Variants in CADM2 observed in about 807,000 individuals in gnomAD.
CADM2 encodes immunoglobulin superfamily member 4D.
Under a neutral mutation model 49.8 loss-of-function variants are expected in CADM2, and 12 were observed. The ratio of observed to expected loss-of-function variants is 0.24; its 90% confidence interval spans 0.15 to 0.39. The LOEUF is 0.39. Among genes scored for constraint, CADM2 ranks in the 10% least tolerant of loss-of-function variants. The pLI is 1.00. For missense variants in CADM2, 378 were observed against 492.3 expected, an observed-to-expected ratio of 0.77 and a Z score of 2.20; for synonymous variants, 214 against 175.4, an observed-to-expected ratio of 1.22 and a Z score of -1.74.
At chr3:85,040,836 G>A (rs751936767) in intron 1 of CADM2, among the ~76,000 whole-genome samples, 19 of 152,132 alleles carry the variant, frequency 1.2e-4, no homozygotes, top group Non-Finnish European at 2.8e-4. Context: ...ATATAAATCA[G>A]AATCTATGTC....
chr3:85,113,693 T>A lies in CADM2; in HGVS notation c.61+154025T>A, dbSNP rs568390261. Among the ~76,000 whole-genome samples the A allele has an allele frequency of 6.1e-4, 93 of 151,438 alleles. 2 individuals are homozygous for A. The highest frequency in any genetic ancestry group is 3.4e-3 in the Middle Eastern group (1 of 292). On this transcript the variant is annotated intron_variant, in intron 1 of 9. Transcript: ENST00000383699. The stretch of plus-strand genomic sequence containing the variant: ...GCTTTTTTTTATTCATTCGTTTTTT[T>A]TTTTTTGTGCTATAGGCAATCCTAC...
intron 1 of CADM2, among the ~76,000 whole-genome samples, chr3:85,000,392 CA>C (rs955623555): frequency 6.6e-5 from 10 of 151,710 alleles, no homozygotes; most frequent in Admixed American, 2.0e-4. Flanking sequence ...CCTCCCAAAG[CA>C]CTGCTTCTAT....
chr3:85,182,456 A>G (rs2040960143), intron 1 of CADM2, among the ~76,000 whole-genome samples: 1 of 152,104 alleles, frequency 6.6e-6, no homozygotes, highest in Admixed American at 6.6e-5. Flanking sequence ...AAAATCTACA[A>G]TTCTTGATCG....
chr3:85,429,412 A>G (rs2036565841), intron 1 of CADM2, among the ~76,000 whole-genome samples: 1 of 152,138 alleles, frequency 6.6e-6, no homozygotes, highest in Non-Finnish European at 1.5e-5. Flanking sequence ...TCAATAAAGT[A>G]ATAAATATGA....
intron 1 of CADM2, among the ~76,000 whole-genome samples, chr3:85,289,568 A>G (rs1057292738): frequency 1.3e-5 from 2 of 152,188 alleles, no homozygotes; most frequent in African/African-American, 4.8e-5. Flanking sequence ...AAATGAAGAC[A>G]TAGTCTAAAT....
chr3:85,040,749 C>A (rs1489853519), intron 1 of CADM2, among the ~76,000 whole-genome samples: 1 of 152,102 alleles, frequency 6.6e-6, no homozygotes, highest in Non-Finnish European at 1.5e-5. Context: ...CTTTCAGAAA[C>A]AAAGTGATAA....
intron 1 of CADM2, among the ~76,000 whole-genome samples, chr3:85,497,921 A>G (rs915921197): frequency 2.6e-5 from 4 of 152,016 alleles, no homozygotes; most frequent in East Asian, 3.9e-4. Flanking sequence ...ATATATATAC[A>G]TATACACAGT....
chr3:85,545,011 C>T (rs2107073415), intron 1 of CADM2, among the ~76,000 whole-genome samples: 1 of 152,150 alleles, frequency 6.6e-6, no homozygotes, highest in Middle Eastern at 3.4e-3. Flanking sequence ...CTTGTCAAAA[C>T]CTATACACTG....
At chr3:85,843,581 T>G (rs1225371902) in intron 3 of CADM2, among the ~76,000 whole-genome samples, 2 of 152,154 alleles carry the variant, frequency 1.3e-5, no homozygotes, top group Admixed American at 1.3e-4. Context: ...ACCATCCCAT[T>G]ATGTTGATTT....
At chr3:85,370,933 T>A (rs947829120) in intron 1 of CADM2, among the ~76,000 whole-genome samples, 1 of 152,216 alleles carries the variant, frequency 6.6e-6, no homozygotes, top group Admixed American at 6.5e-5. Context: ...CAAAAGAGTT[T>A]AAAAAATCAA....
chr3:85,509,540 C>A (rs1293344111), intron 1 of CADM2, among the ~76,000 whole-genome samples: 9 of 152,040 alleles, frequency 5.9e-5, no homozygotes, highest in Admixed American at 5.9e-4. Context: ...GTTACATTAA[C>A]TGTTTTTAGC....
At chr3:85,258,515 C>T (rs1372845971) in intron 1 of CADM2, among the ~76,000 whole-genome samples, 1 of 151,210 alleles carries the variant, frequency 6.6e-6, no homozygotes, top group Non-Finnish European at 1.5e-5. Flanking sequence ...AAAAAAAACT[C>T]ACAGTCCCAA....
intron 1 of CADM2, among the ~76,000 whole-genome samples, chr3:84,991,938 G>A (rs972820695): frequency 6.6e-6 from 1 of 152,140 alleles, no homozygotes; most frequent in Non-Finnish European, 1.5e-5. Context: ...ATGATATTCT[G>A]GAAAAGGTAA....
At chr3:85,282,826 G>T (rs1219431569) in intron 1 of CADM2, among the ~76,000 whole-genome samples, 1 of 151,956 alleles carries the variant, frequency 6.6e-6, no homozygotes, top group Non-Finnish European at 1.5e-5. Flanking sequence ...CCCTCAAAAA[G>T]TATCACACAG....
chr3:86,020,131 G>A (rs1396935284), intron 8 of CADM2, among the ~76,000 whole-genome samples: 2 of 152,012 alleles, frequency 1.3e-5, no homozygotes, highest in South Asian at 2.1e-4. Context: ...TCAAATAGAT[G>A]CAATAAAAAA....
chr3:85,134,172 C>G (rs2039338311), intron 1 of CADM2, among the ~76,000 whole-genome samples: 1 of 152,244 alleles, frequency 6.6e-6, no homozygotes, highest in African/African-American at 2.4e-5. Context: ...GTCCGCCAAG[C>G]CCACGCCCAC....
At chr3:85,525,398 C>G (rs547183836) in intron 1 of CADM2, among the ~76,000 whole-genome samples, 1 of 152,182 alleles carries the variant, frequency 6.6e-6, no homozygotes, top group African/African-American at 2.4e-5. Flanking sequence ...TTTTCCTGTT[C>G]CAGAATGACA....
intron 1 of CADM2, among the ~76,000 whole-genome samples, chr3:85,700,615 C>T (rs1178016566): frequency 6.6e-6 from 1 of 151,972 alleles, no homozygotes; most frequent in African/African-American, 2.4e-5. Flanking sequence ...TGCCAGATAC[C>T]CTAAATTATT....
chr3:84,959,477 C>A lies in CADM2; in HGVS notation c.-131C>A. 1 of 867,026 alleles carries A rather than the reference C, an allele frequency of 1.2e-6. No individual in the cohort carries two copies. The highest frequency in any genetic ancestry group is 1.8e-6 in the Non-Finnish European group (1 of 561,900). The allele number at this position is 867,026 out of a possible 1,614,324, so 53.7% of individuals were successfully genotyped here. Reference sequence around the variant, plus strand: ...GATCCGAGTCCGCGGGTTCGAACACCGCAGCGGTGGGGACGGTGGGTCCGG... The same window carrying A: ...GATCCGAGTCCGCGGGTTCGAACACAGCAGCGGTGGGGACGGTGGGTCCGG... On this transcript the variant is annotated 5_prime_UTR_variant, in exon 1 of 10. Transcript: ENST00000383699.
Sources: allele counts gnomAD v4.1 joint callset (sites outside exome capture counted in the v4.1 genomes callset), GRCh38; gene constraint gnomAD v4.1.1; transcripts MANE v1.5; gene names NCBI Gene and HGNC (gene_info 2026-07-23, HGNC 2026-07-21).